Variants in TAS2R1 observed in about 807,000 individuals in gnomAD.
TAS2R1 encodes the protein taste receptor type 2 member 1.
For synonymous variants in TAS2R1, 141 were observed against 134.2 expected, an observed-to-expected ratio of 1.05 and a Z score of -0.35; for missense variants, 370 against 353.4, an observed-to-expected ratio of 1.05 and a Z score of -0.38.
chr5:9,786,553 A>T, the TAS2R1 span, among the ~76,000 whole-genome samples: 1 of 152,164 alleles, frequency 6.6e-6, no homozygotes, highest in African/African-American at 2.4e-5. Flanking sequence ...TATTCTAAAC[A>T]CCTAGGAACT....
the TAS2R1 span, among the ~76,000 whole-genome samples, chr5:9,785,762 C>G: frequency 1.3e-5 from 2 of 152,238 alleles, no homozygotes; most frequent in African/African-American, 4.8e-5. Flanking sequence ...GTTCAGAGAC[C>G]TGGGCACACA....
chr5:9,899,094 C>G, the TAS2R1 span, among the ~76,000 whole-genome samples: 1 of 152,020 alleles, frequency 6.6e-6, no homozygotes, highest in Non-Finnish European at 1.5e-5. Flanking sequence ...GTGAAACTAG[C>G]CCACACATAT....
the TAS2R1 span, among the ~76,000 whole-genome samples, chr5:9,774,128 T>C: frequency 6.6e-6 from 1 of 152,210 alleles, no homozygotes; most frequent in Non-Finnish European, 1.5e-5. Flanking sequence ...TCTTTTGTCT[T>C]CTCTGACTGT....
chr5:9,657,911 T>C (rs1240637692), intron 2 of TAS2R1, among the ~76,000 whole-genome samples: 1 of 152,188 alleles, frequency 6.6e-6, no homozygotes, highest in African/African-American at 2.4e-5. Flanking sequence ...TACTGTAACT[T>C]AAACAACAAA....
the TAS2R1 span, among the ~76,000 whole-genome samples, chr5:9,743,881 A>T: frequency 6.6e-6 from 1 of 152,354 alleles, no homozygotes; most frequent in South Asian, 2.1e-4. Context: ...AAACACAATT[A>T]TTAGTGTATT....
intron 2 of TAS2R1, among the ~76,000 whole-genome samples, chr5:9,655,087 A>G (rs1012712503): frequency 6.6e-6 from 1 of 152,230 alleles, no homozygotes; most frequent in African/African-American, 2.4e-5. Context: ...AGGAAGTTTT[A>G]GAATAGGCCA....
intron 1 of TAS2R1, among the ~76,000 whole-genome samples, chr5:9,682,401 G>A (rs779155312): frequency 6.6e-6 from 1 of 152,142 alleles, no homozygotes. Flanking sequence ...AGGCATGGAG[G>A]AGCAGCCCTG....
At chr5:9,809,291 T>C in the TAS2R1 span, among the ~76,000 whole-genome samples, 2 of 152,142 alleles carry the variant, frequency 1.3e-5, no homozygotes, top group African/African-American at 2.4e-5. Context: ...AGACAGGAAT[T>C]TCAGAGGGCC....
At chr5:9,827,069 G>C in the TAS2R1 span, among the ~76,000 whole-genome samples, 10,981 of 152,100 alleles carry the variant, frequency 0.072, 908 homozygotes, top group East Asian at 0.24. Context: ...AAATCTATAT[G>C]CAACTGCTGA....
At chr5:9,727,759 T>C in the TAS2R1 span, among the ~76,000 whole-genome samples, 20 of 152,082 alleles carry the variant, frequency 1.3e-4, no homozygotes, top group East Asian at 3.9e-3. Flanking sequence ...AGAGCCAGAG[T>C]AGAAGTGTCT....
chr5:9,822,100 C>T, the TAS2R1 span, among the ~76,000 whole-genome samples: 2 of 152,122 alleles, frequency 1.3e-5, no homozygotes, highest in Non-Finnish European at 2.9e-5. Flanking sequence ...CGTTCTTTTC[C>T]TTTAATACAC....
the TAS2R1 span, among the ~76,000 whole-genome samples, chr5:9,846,552 C>T: frequency 2.0e-5 from 3 of 152,200 alleles, no homozygotes; most frequent in Non-Finnish European, 4.4e-5. Context: ...ATCTTTCCAT[C>T]AGTGCATGCA....
At chr5:9,871,286 A>C in the TAS2R1 span, among the ~76,000 whole-genome samples, 1 of 152,258 alleles carries the variant, frequency 6.6e-6, no homozygotes, top group African/African-American at 2.4e-5. Context: ...TACAGGCAAG[A>C]TAGACTACCA....
the TAS2R1 span, among the ~76,000 whole-genome samples, chr5:9,789,579 A>G: frequency 2.0e-4 from 30 of 152,340 alleles, 1 homozygote; most frequent in East Asian, 5.8e-3. Context: ...AAATGTGTGA[A>G]TTAAGGTATA....
upstream of TAS2R1, chr5:9,713,248 G>T (rs911905462): frequency 1.3e-5 from 2 of 152,178 alleles, no homozygotes; most frequent in Admixed American, 1.3e-4. Flanking sequence ...ATAAACGGAT[G>T]AATCCCAACG....
the TAS2R1 span, among the ~76,000 whole-genome samples, chr5:9,861,346 C>G: frequency 3.3e-5 from 5 of 152,254 alleles, no homozygotes; most frequent in Non-Finnish European, 7.4e-5. Flanking sequence ...CTCCTGCATT[C>G]ATGCCTGTGT....
At chr5:9,678,796 G>A (rs1037441484) in intron 1 of TAS2R1, among the ~76,000 whole-genome samples, 1 of 152,204 alleles carries the variant, frequency 6.6e-6, no homozygotes, top group South Asian at 2.1e-4. Flanking sequence ...TTTGGGGGAG[G>A]GAGAGGATCA....
At chr5:9,745,869 T>C in the TAS2R1 span, among the ~76,000 whole-genome samples, 15 of 152,168 alleles carry the variant, frequency 9.9e-5, no homozygotes, top group Admixed American at 7.9e-4. Context: ...AAACACTTCA[T>C]GACTAAAACA....
At chr5:9,850,842 G>A in the TAS2R1 span, among the ~76,000 whole-genome samples, 1 of 152,220 alleles carries the variant, frequency 6.6e-6, no homozygotes, top group African/African-American at 2.4e-5. Context: ...ACTGTGAAAT[G>A]GGAGGTGTTG....
Sources: gnomAD v4.1 joint callset for allele counts (sites outside exome capture counted in the v4.1 genomes callset) on GRCh38, gnomAD v4.1.1 for gene constraint, MANE v1.5 for transcripts, NCBI Gene and HGNC (gene_info 2026-07-23, HGNC 2026-07-21) for gene names.